Variants in DRC10 observed in about 807,000 individuals in gnomAD.
The protein encoded by DRC10 is IQ domain-containing protein D.
chr12:113,216,924 A>G, the DRC10 span, among the ~76,000 whole-genome samples: 1 of 152,176 alleles, frequency 6.6e-6, no homozygotes, highest in African/African-American at 2.4e-5. Flanking sequence ...CCCAGTCTCT[A>G]CTAAAAATAC....
the DRC10 span, chr12:113,207,729 C>A: frequency 6.2e-7 from 1 of 1,614,174 alleles, no homozygotes; most frequent in South Asian, 1.1e-5. Flanking sequence ...CTTTGATCTG[C>A]TGCATAAGTG....
chr12:113,210,612 G>GAAAAAAAAA, the DRC10 span, among the ~76,000 whole-genome samples: 8 of 107,328 alleles, frequency 7.5e-5, no homozygotes, highest in Non-Finnish European at 1.1e-4. Flanking sequence ...AAGAAAAAAA[G>GAAAAAAAAA]AAAAAAAAAA....
At chr12:113,216,172 T>C in the DRC10 span, among the ~76,000 whole-genome samples, 1 of 152,160 alleles carries the variant, frequency 6.6e-6, no homozygotes, top group African/African-American at 2.4e-5. Context: ...ATCCCGACAA[T>C]GGAATACAGG....
chr12:113,204,675 C>T, the DRC10 span, among the ~76,000 whole-genome samples: 14 of 152,158 alleles, frequency 9.2e-5, no homozygotes, highest in African/African-American at 3.1e-4. Flanking sequence ...AATTCCAGCA[C>T]TTTGGGAGGC....
At chr12:113,196,458 C>T in the DRC10 span, among the ~76,000 whole-genome samples, 3 of 152,206 alleles carry the variant, frequency 2.0e-5, no homozygotes, top group African/African-American at 4.8e-5. Context: ...CGTTTTCCTT[C>T]CTTCCACTGA....
At chr12:113,208,958 G>C in the DRC10 span, among the ~76,000 whole-genome samples, 1 of 152,320 alleles carries the variant, frequency 6.6e-6, no homozygotes, top group East Asian at 1.9e-4. Flanking sequence ...TTGAGACAGA[G>C]TCTTGCTCTG....
At chr12:113,219,796 A>T in the DRC10 span, among the ~76,000 whole-genome samples, 1 of 150,918 alleles carries the variant, frequency 6.6e-6, no homozygotes. Flanking sequence ...CCTCAGCCTT[A>T]TTTATTTATT....
At chr12:113,220,500 C>T in the DRC10 span, among the ~76,000 whole-genome samples, 1 of 150,540 alleles carries the variant, frequency 6.6e-6, no homozygotes, top group East Asian at 2.0e-4. Flanking sequence ...GTGATCTGCC[C>T]GCCTCGGCCT....
At chr12:113,208,019 T>C in the DRC10 span, 29 of 1,614,242 alleles carry the variant, frequency 1.8e-5, 2 homozygotes, top group South Asian at 3.1e-4. Context: ...ATGATCCTTT[T>C]GGCCTCAATG....
chr12:113,207,764 C>G, the DRC10 span: 1 of 1,614,148 alleles, frequency 6.2e-7, no homozygotes, highest in Non-Finnish European at 8.5e-7. Context: ...TTCTGCAGCT[C>G]TATGGAAAGG....
chr12:113,207,773 G>A, the DRC10 span: 1 of 1,614,142 alleles, frequency 6.2e-7, no homozygotes, highest in Non-Finnish European at 8.5e-7. Context: ...TCTATGGAAA[G>A]GAGGCGGTCT....
the DRC10 span, among the ~76,000 whole-genome samples, chr12:113,197,144 G>A: frequency 6.6e-6 from 1 of 150,686 alleles, no homozygotes; most frequent in South Asian, 2.1e-4. Flanking sequence ...ATGGAGCCAT[G>A]ATCATTAGGC....
chr12:113,219,507 A>C, the DRC10 span, among the ~76,000 whole-genome samples: 9 of 152,214 alleles, frequency 5.9e-5, no homozygotes, highest in Non-Finnish European at 1.2e-4. Context: ...TCTTTTGCCC[A>C]TTAAAAAAAT....
At chr12:113,196,924 T>C in the DRC10 span, among the ~76,000 whole-genome samples, 1 of 152,364 alleles carries the variant, frequency 6.6e-6, no homozygotes, top group East Asian at 1.9e-4. Context: ...TTACTGCCTT[T>C]GCTAATCAGA....
At chr12:113,197,074 C>G in the DRC10 span, among the ~76,000 whole-genome samples, 12 of 152,128 alleles carry the variant, frequency 7.9e-5, no homozygotes, top group African/African-American at 2.7e-4. Flanking sequence ...GGGAAGGAGC[C>G]CCACCTTGTA....
At chr12:113,199,399 CATAAATAAATAAATAA>C in the DRC10 span, among the ~76,000 whole-genome samples, 1 of 150,678 alleles carries the variant, frequency 6.6e-6, no homozygotes, top group Non-Finnish European at 1.5e-5. Flanking sequence ...CTGTCTCAAA[CATAAATAAATAAATAA>C]ATAAATAAAT....
the DRC10 span, chr12:113,195,793 G>A: frequency 1.2e-6 from 2 of 1,613,890 alleles, no homozygotes; most frequent in South Asian, 1.1e-5. Context: ...TCCCGGATCT[G>A]CGCAAACTCT....
At chr12:113,200,293 C>T in the DRC10 span, 1 of 580,074 alleles carries the variant, frequency 1.7e-6, no homozygotes, top group Admixed American at 2.2e-5. Context: ...AGTTGAGGAA[C>T]TTGCCCAAGG....
At chr12:113,216,854 G>A in the DRC10 span, among the ~76,000 whole-genome samples, 134 of 152,186 alleles carry the variant, frequency 8.8e-4, no homozygotes, top group East Asian at 8.7e-3. Context: ...TTGGGAGGCC[G>A]AGGTGGGTGG....
Sources: gnomAD v4.1 joint callset for allele counts (sites outside exome capture counted in the v4.1 genomes callset) on GRCh38, gnomAD v4.1.1 for gene constraint, MANE v1.5 for transcripts, NCBI Gene and HGNC (gene_info 2026-07-23, HGNC 2026-07-21) for gene names.